Variants in NAA11 observed in about 807,000 individuals in gnomAD.
NAA11 encodes the protein N-alpha-acetyltransferase 11, NatA catalytic subunit.
NAA11 carries 15 observed loss-of-function variants against 16.1 expected under a neutral mutation model. The observed-to-expected ratio is 0.93, with a 90% confidence interval of 0.62 to 1.44. The LOEUF (loss-of-function observed/expected upper bound fraction) is 1.44. NAA11 is among the 40% of genes most tolerant of loss of function. The probability of loss-of-function intolerance (pLI) is 0.00; values close to 1 mark genes in which losing one functional copy is unlikely to be tolerated. For missense variants in NAA11, 298 were observed against 291.3 expected (o/e 1.02, Z -0.17); for synonymous variants, 122 against 112.4 (o/e 1.09, Z -0.54).
At chr4:79,206,664 C>G in the NAA11 span, among the ~76,000 whole-genome samples, 2 of 152,224 alleles carry the variant, frequency 1.3e-5, no homozygotes, top group South Asian at 4.1e-4. Flanking sequence ...GCCTTTGCCT[C>G]TTTTAAAAAG....
At chr4:79,237,425 A>C (rs1274706451) in intron 2 of NAA11, among the ~76,000 whole-genome samples, 1 of 152,228 alleles carries the variant, frequency 6.6e-6, no homozygotes, top group Non-Finnish European at 1.5e-5. Context: ...GCATGCTCCC[A>C]TATATCTATT....
At chr4:79,177,569 A>G in the NAA11 span, among the ~76,000 whole-genome samples, 12 of 152,158 alleles carry the variant, frequency 7.9e-5, no homozygotes, top group African/African-American at 2.7e-4. Flanking sequence ...CATACTATTA[A>G]TATGAATAGT....
intron 2 of NAA11, among the ~76,000 whole-genome samples, chr4:79,260,482 C>T (rs1485440054): frequency 6.6e-6 from 1 of 152,130 alleles, no homozygotes; most frequent in African/African-American, 2.4e-5. Context: ...TTGGGGCTCT[C>T]TGTAGGGAAG....
chr4:79,309,061 G>A (rs1437366460), intron 1 of NAA11, among the ~76,000 whole-genome samples: 1 of 152,166 alleles, frequency 6.6e-6, no homozygotes. Context: ...ATAATCCAAA[G>A]TAACTTAAAT....
At chr4:79,196,320 G>A in the NAA11 span, among the ~76,000 whole-genome samples, 27 of 151,976 alleles carry the variant, frequency 1.8e-4, no homozygotes, top group Middle Eastern at 3.4e-3. Flanking sequence ...GATTAATAAT[G>A]ACCCTCCTCC....
intron 1 of NAA11, among the ~76,000 whole-genome samples, chr4:79,303,611 G>C (rs1723476583): frequency 6.6e-6 from 1 of 152,300 alleles, no homozygotes; most frequent in Middle Eastern, 3.4e-3. Flanking sequence ...ATAGGCTTTG[G>C]TCTGAGATAA....
the NAA11 span, among the ~76,000 whole-genome samples, chr4:79,189,145 CAAAAAAA>C: frequency 2.4e-5 from 1 of 42,282 alleles, no homozygotes; most frequent in Non-Finnish European, 4.8e-5. Context: ...GACTCCATCT[CAAAAAAA>C]AAAAAAAAAA....
chr4:79,250,263 G>A (rs537158665), intron 2 of NAA11, among the ~76,000 whole-genome samples: 3 of 152,372 alleles, frequency 2.0e-5, no homozygotes, highest in African/African-American at 7.2e-5. Flanking sequence ...TGAGGCAGGA[G>A]ATCTGTCCAT....
chr4:79,198,716 T>C, the NAA11 span, among the ~76,000 whole-genome samples: 2 of 151,948 alleles, frequency 1.3e-5, no homozygotes, highest in Non-Finnish European at 2.9e-5. Context: ...ATATATGTCA[T>C]GATTTCAACA....
At chr4:79,221,144 T>G (rs2109948484), downstream of NAA11, among the ~76,000 whole-genome samples, 1 of 152,138 alleles carries the variant, frequency 6.6e-6, no homozygotes, top group East Asian at 1.9e-4. Flanking sequence ...CAATTGTGAA[T>G]GGGAGTTCAC....
intron 2 of NAA11, among the ~76,000 whole-genome samples, chr4:79,256,934 C>T (rs1300881021): frequency 1.3e-5 from 2 of 151,836 alleles, no homozygotes; most frequent in Non-Finnish European, 2.9e-5. Flanking sequence ...CCACCATGCC[C>T]GGCCTGTAAA....
intron 1 of NAA11, among the ~76,000 whole-genome samples, chr4:79,322,140 T>A (rs866982865): frequency 1.3e-5 from 2 of 152,332 alleles, no homozygotes; most frequent in South Asian, 2.1e-4. Flanking sequence ...AATACTCATA[T>A]ACCCTTGCTA....
At chr4:79,303,074 T>TTTTATA (rs1189552304) in intron 1 of NAA11, among the ~76,000 whole-genome samples, 1 of 72,284 alleles carries the variant, frequency 1.4e-5, no homozygotes, top group African/African-American at 7.4e-5. Flanking sequence ...TCTTGAGGCC[T>TTTTATA]TTTATATATA....
At chr4:79,241,781 A>G (rs568036435) in intron 2 of NAA11, among the ~76,000 whole-genome samples, 287 of 152,314 alleles carry the variant, frequency 1.9e-3, no homozygotes, top group African/African-American at 6.1e-3. Flanking sequence ...ATCTTGTTAG[A>G]TGGAAATTTA....
chr4:79,316,302 TAAAAA>T (rs1013725637), downstream of NAA11, among the ~76,000 whole-genome samples: 4 of 152,190 alleles, frequency 2.6e-5, no homozygotes, highest in South Asian at 6.2e-4. Flanking sequence ...GATAGAATAT[TAAAAA>T]GAAAAAAGGA....
the NAA11 span, among the ~76,000 whole-genome samples, chr4:79,155,672 C>T: frequency 6.6e-6 from 1 of 152,180 alleles, no homozygotes; most frequent in Non-Finnish European, 1.5e-5. Flanking sequence ...AAATGAAAAG[C>T]TCTGAATAAT....
downstream of NAA11, among the ~76,000 whole-genome samples, chr4:79,312,517 G>C (rs988960713): frequency 6.6e-6 from 1 of 151,792 alleles, no homozygotes. Context: ...CAGGCGTCGT[G>C]GCACATACCT....
intron 2 of NAA11, among the ~76,000 whole-genome samples, chr4:79,251,972 A>C (rs1278363874): frequency 6.6e-6 from 1 of 151,156 alleles, no homozygotes; most frequent in Non-Finnish European, 1.5e-5. Context: ...TTGGATGAAG[A>C]AAATGCGGTA....
Position 79,297,542 on chromosome 4 carries a change from G to A in NAA11, c.*13-3428C>T, listed in dbSNP as rs1723259097. On this transcript the variant is annotated intron_variant and NMD_transcript_variant, in intron 1 of 2. Coordinates refer to the NAA11 transcript ENST00000511542. The stretch of plus-strand genomic sequence containing the variant: ...GGGCAGTGTCTGCTCCCACTGACTT[G>A]CCTCTTCCCATTCCTGGTGCCTGCT... Among the ~76,000 whole-genome samples, 5 of 152,198 alleles carry A rather than the reference G, an allele frequency of 3.3e-5. No homozygotes were observed. In the South Asian group the frequency reaches 1.0e-3, roughly 31 times the overall value.
Sources: allele counts gnomAD v4.1 joint callset (sites outside exome capture counted in the v4.1 genomes callset), GRCh38; gene constraint gnomAD v4.1.1; transcripts MANE v1.5; gene names NCBI Gene and HGNC (gene_info 2026-07-23, HGNC 2026-07-21).